The following SINHCAF variants were observed in gnomAD, a reference collection of about 807,000 sequenced individuals.
SINHCAF encodes SIN3-HDAC complex-associated factor.
A neutral mutation model predicts 25.8 loss-of-function variants in SINHCAF; 3 were observed. That is an observed-to-expected ratio of 0.12 (90% CI 0.05 to 0.30). The LOEUF (loss-of-function observed/expected upper bound fraction) is 0.30, where lower values mean the gene tolerates loss of function less well. SINHCAF is among the 10% of genes least tolerant of loss of function. The pLI, the probability that SINHCAF is intolerant of heterozygous loss-of-function variation, is 1.00. For missense variants in SINHCAF, 121 were observed against 262.3 expected, an observed-to-expected ratio of 0.46 and a Z score of 3.72; for synonymous variants, 70 against 85.5, an observed-to-expected ratio of 0.82 and a Z score of 1.00.
intron 3 of SINHCAF, 78 bp downstream of exon 3, chr12:31,295,156 C>T (rs1938498631): frequency 1.2e-6 from 1 of 856,702 alleles, no homozygotes; most frequent in Non-Finnish European, 1.8e-6. Flanking sequence ...GGATATATTA[C>T]TTCCTAAATT....
chr12:31,280,889 T>C lies in SINHCAF; in HGVS notation c.*1823A>G, dbSNP rs1937762550. ...AATCATTTCAAATAACTCAGGAGGA[T>C]GATAATGGCTGGACTTTTGTAATTC... On this transcript the variant is annotated 3_prime_UTR_variant, in exon 6 of 6. Transcript: ENST00000337682. 1 of 152,244 alleles carries C rather than the reference T, an allele frequency of 6.6e-6. No individual in the cohort carries two copies. The highest frequency in any genetic ancestry group is 1.5e-5 in the Non-Finnish European group (1 of 68,046). The allele number at this position is 152,244 out of a possible 1,614,324, so 9.4% of individuals were successfully genotyped here.
At chr12:31,306,830 T>C (rs981176252) in intron 1 of SINHCAF, among the ~76,000 whole-genome samples, 1 of 152,228 alleles carries the variant, frequency 6.6e-6, no homozygotes, top group African/African-American at 2.4e-5. Context: ...CATAGGGGCA[T>C]AATTTTTGCT....
chr12:31,301,505 C>A (rs1161331855), intron 1 of SINHCAF, among the ~76,000 whole-genome samples: 3 of 152,176 alleles, frequency 2.0e-5, no homozygotes, highest in Non-Finnish European at 4.4e-5. Flanking sequence ...ATGCAACACA[C>A]AAGGAGCATG....
At chr12:31,304,413 T>G (rs1041394905) in intron 1 of SINHCAF, 1 of 152,206 alleles carries the variant, frequency 6.6e-6, no homozygotes, top group Non-Finnish European at 1.5e-5. Context: ...TTGCCAGTTA[T>G]GACAGTAACG....
rs535017038 is a variant in SINHCAF, at chr12:31,307,208, T to A, written c.-20-8984A>T. On this transcript the variant is annotated intron_variant, in intron 1 of 5. Transcript: ENST00000337682. The stretch of plus-strand genomic sequence containing the variant: ...GTAAGTGGGGCACTGTATATCCCTG[T>A]AACATCACAGTCCAAGTATACCGTC... 2.0e-5 allele frequency among the ~76,000 whole-genome samples: 3 copies of A among 152,312 alleles called. No individual in the cohort carries two copies. In the East Asian group the frequency reaches 5.8e-4, roughly 29 times the overall value.
At chr12:31,303,273 C>CA (rs1354949081) in intron 1 of SINHCAF, 1 of 941,090 alleles carries the variant, frequency 1.1e-6, no homozygotes, top group Non-Finnish European at 1.3e-6. Flanking sequence ...TTAGAGAACA[C>CA]AAATGATCAT....
At chr12:31,286,882 G>A (rs1938103573) in intron 5 of SINHCAF, among the ~76,000 whole-genome samples, 1 of 152,122 alleles carries the variant, frequency 6.6e-6, no homozygotes, top group Non-Finnish European at 1.5e-5. Flanking sequence ...TCTGTTCCTG[G>A]ATGTTTAGTA....
At chr12:31,290,512 G>A (rs971509219) in intron 4 of SINHCAF, among the ~76,000 whole-genome samples, 5 of 152,052 alleles carry the variant, frequency 3.3e-5, no homozygotes, top group Non-Finnish European at 7.4e-5. Context: ...AGAAAGCCCC[G>A]TTAGTATTTT....
intron 2 of SINHCAF, among the ~76,000 whole-genome samples, chr12:31,295,808 G>C (rs1044985915): frequency 6.6e-6 from 1 of 151,822 alleles, no homozygotes; most frequent in African/African-American, 2.4e-5. Flanking sequence ...GGAAGCAGAG[G>C]TTGCAGTGAG....
At chr12:31,308,273 C>CAACA (rs1939116797) in intron 1 of SINHCAF, among the ~76,000 whole-genome samples, 1 of 152,130 alleles carries the variant, frequency 6.6e-6, no homozygotes, top group Admixed American at 6.6e-5. Flanking sequence ...GCACAGCTGG[C>CAACA]TGTCCCTCAC....
At chr12:31,293,252 C>T (rs1169605206) in intron 4 of SINHCAF, among the ~76,000 whole-genome samples, 3 of 152,134 alleles carry the variant, frequency 2.0e-5, no homozygotes, top group Non-Finnish European at 4.4e-5. Flanking sequence ...TGTGCCATTA[C>T]AGCAACCCCC....
At chr12:31,284,060 G>A (rs1466512520) in intron 5 of SINHCAF, among the ~76,000 whole-genome samples, 1 of 152,032 alleles carries the variant, frequency 6.6e-6, no homozygotes, top group Non-Finnish European at 1.5e-5. Context: ...ACATCTTAAA[G>A]GTTTTTACTA....
chr12:31,313,988 AAG>A (rs373511486), intron 1 of SINHCAF, among the ~76,000 whole-genome samples: 30 of 151,602 alleles, frequency 2.0e-4, no homozygotes, highest in African/African-American at 6.8e-4. Context: ...AAAAAAGAGA[AAG>A]AGAATTAGGA....
chr12:31,297,393 C>A (rs1938592542), intron 2 of SINHCAF, among the ~76,000 whole-genome samples: 1 of 151,474 alleles, frequency 6.6e-6, no homozygotes, highest in Admixed American at 6.6e-5. Flanking sequence ...CTCCTGGGCT[C>A]AAGTGACCCA....
At chr12:31,306,654 G>A (rs1301577803) in intron 1 of SINHCAF, among the ~76,000 whole-genome samples, 2 of 152,178 alleles carry the variant, frequency 1.3e-5, no homozygotes, top group African/African-American at 4.8e-5. Context: ...CATCAGCAAA[G>A]TGATTACCTT....
At chr12:31,323,139 T>C (rs1339636612) in intron 1 of SINHCAF, among the ~76,000 whole-genome samples, 1 of 152,192 alleles carries the variant, frequency 6.6e-6, no homozygotes, top group Non-Finnish European at 1.5e-5. Context: ...AAGGTCATCC[T>C]AAGGCACTGA....
intron 2 of SINHCAF, among the ~76,000 whole-genome samples, chr12:31,295,890 T>G (rs932913600): frequency 6.7e-6 from 1 of 149,006 alleles, no homozygotes; most frequent in African/African-American, 2.5e-5. Flanking sequence ...AAAAATTAAA[T>G]AATTAAATAG....
intron 1 of SINHCAF, chr12:31,304,506 A>G (rs78424133): frequency 0.018 from 2,667 of 152,286 alleles, 50 homozygotes; most frequent in African/African-American, 0.043. Flanking sequence ...ATTTGTCCCT[A>G]ATTGGCTTAC....
intron 2 of SINHCAF, among the ~76,000 whole-genome samples, chr12:31,296,087 A>C (rs2137089011): frequency 6.6e-6 from 1 of 152,254 alleles, no homozygotes; most frequent in Admixed American, 6.5e-5. Flanking sequence ...CTCAAGACCT[A>C]AAAGAGATTC....
Sources: allele counts gnomAD v4.1 joint callset (sites outside exome capture counted in the v4.1 genomes callset), GRCh38; gene constraint gnomAD v4.1.1; transcripts MANE v1.5; gene names NCBI Gene and HGNC (gene_info 2026-07-23, HGNC 2026-07-21).